The following TMEM71 variants were observed in gnomAD, a reference collection of about 807,000 sequenced individuals.
The protein encoded by TMEM71 is transmembrane protein 71.
In TMEM71, 44 loss-of-function variants were observed where a neutral mutation model predicts 38.0. The observed-to-expected ratio is 1.16, with a 90% CI of 0.91 to 1.49. TMEM71 has a LOEUF of 1.49. Among genes scored for constraint, TMEM71 ranks in the 40% most tolerant of loss-of-function variants. The pLI is 0.00. For missense variants in TMEM71, 367 were observed against 348.6 expected, an observed-to-expected ratio of 1.05 and a Z score of -0.42; for synonymous variants, 133 against 122.5, an observed-to-expected ratio of 1.09 and a Z score of -0.56.
rs1393464326 is a variant in TMEM71 at position 132,710,145 on chromosome 8, G to T, written c.*822C>A. Reference sequence around the variant, plus strand: ...TTTGCTTTGTGAACACGCACCAAGTGTGGGGGGTGGAAAGGGAACATCTAC... The same window carrying T: ...TTTGCTTTGTGAACACGCACCAAGTTTGGGGGGTGGAAAGGGAACATCTAC... On this transcript the variant is annotated 3_prime_UTR_variant, in exon 10 of 10. Transcript: ENST00000677595. 6.6e-6 allele frequency: 1 copy of T among 152,126 alleles called. No homozygotes were observed. Among genetic ancestry groups the T allele is most frequent in the Non-Finnish European group, 1.5e-5 (1 of 68,028 alleles). 9.4% of individuals were successfully genotyped at this position (152,126 alleles called of 1,614,324 possible).
At chr8:132,715,173 G>C (rs1221897031) in intron 7 of TMEM71, among the ~76,000 whole-genome samples, 1 of 151,884 alleles carries the variant, frequency 6.6e-6, no homozygotes, top group Non-Finnish European at 1.5e-5. Flanking sequence ...TTGGGAGGCC[G>C]AGGCGGGCGG....
intron 3 of TMEM71, among the ~76,000 whole-genome samples, chr8:132,753,416 A>G (rs1221616737): frequency 6.6e-6 from 1 of 152,152 alleles, no homozygotes; most frequent in Non-Finnish European, 1.5e-5. Flanking sequence ...ATTCCACTTA[A>G]TTGCATAAAT....
the TMEM71 span, among the ~76,000 whole-genome samples, chr8:132,771,382 T>G: frequency 2.0e-5 from 3 of 152,182 alleles, no homozygotes; most frequent in Admixed American, 2.0e-4. Context: ...TCTCTCTTGC[T>G]GCATTTGCTG....
At chr8:132,738,197 T>A (rs1827850554) in intron 5 of TMEM71, among the ~76,000 whole-genome samples, 1 of 152,164 alleles carries the variant, frequency 6.6e-6, no homozygotes, top group Non-Finnish European at 1.5e-5. Context: ...GAGAGGTTAG[T>A]TAATAACTTG....
chr8:132,719,201 A>T (rs1268649214), intron 7 of TMEM71, among the ~76,000 whole-genome samples: 1 of 152,202 alleles, frequency 6.6e-6, no homozygotes, highest in Non-Finnish European at 1.5e-5. Context: ...CCTCGGAATT[A>T]ATCACTATTC....
chr8:132,742,766 A>G lies in TMEM71; in HGVS notation c.487+4176T>C, dbSNP rs1006366226. Among the ~76,000 whole-genome samples, 65 of 152,326 alleles carry G rather than the reference A, an allele frequency of 4.3e-4. 1 individual carries two copies. The highest frequency in any genetic ancestry group is 1.2e-4 in the Non-Finnish European group (8 of 68,022). ...GCAAACCCATTTTTAATTCAGGCCC[A>G]TTTGTTGATGAGTGACATGTATTAG... On this transcript the variant is annotated intron_variant, in intron 5 of 9. Coordinates refer to ENST00000677595, the MANE Select transcript of TMEM71 (RefSeq NM_001382403.1).
At chr8:132,722,272 A>C (rs974587587) in intron 6 of TMEM71, among the ~76,000 whole-genome samples, 157 bp from the exon 7 acceptor site, 2 of 152,170 alleles carry the variant, frequency 1.3e-5, no homozygotes, top group African/African-American at 4.8e-5. Context: ...ATAACAAGAT[A>C]AAATTACCTA....
intron 5 of TMEM71, among the ~76,000 whole-genome samples, chr8:132,731,982 A>C (rs1039506408): frequency 6.6e-6 from 1 of 152,162 alleles, no homozygotes; most frequent in Non-Finnish European, 1.5e-5. Context: ...GGTGGAGCAA[A>C]AGTAAGGCGG....
chr8:132,749,330 T>C (rs991409897), intron 4 of TMEM71, among the ~76,000 whole-genome samples: 5 of 152,160 alleles, frequency 3.3e-5, no homozygotes, highest in Non-Finnish European at 7.3e-5. Context: ...TTCAAAATAA[T>C]TTTAGGAAGT....
Position 132,758,829 on chromosome 8 carries a change from T to G in TMEM71, c.40+11A>C, listed in dbSNP as rs1419145631. ...AAAGATAATTGCGTATCACAGTTCT[T>G]CTACATTTACTTGCTACTGGTGTTG... On this transcript the variant is annotated intron_variant, in intron 2 of 9. Transcript: ENST00000677595. 1 of 1,612,692 alleles carries G rather than the reference T, an allele frequency of 6.2e-7. No homozygotes were observed. Among genetic ancestry groups the G allele is most frequent in the Non-Finnish European group, 8.5e-7 (1 of 1,178,784 alleles).
At chr8:132,722,434 A>G (rs1483935109) in intron 6 of TMEM71, among the ~76,000 whole-genome samples, 1 of 152,236 alleles carries the variant, frequency 6.6e-6, no homozygotes, top group Non-Finnish European at 1.5e-5. Context: ...ATAATGTAAG[A>G]AATCTAATTC....
intron 5 of TMEM71, among the ~76,000 whole-genome samples, chr8:132,744,023 A>AT (rs924376133): frequency 2.0e-5 from 3 of 151,870 alleles, no homozygotes; most frequent in Admixed American, 2.0e-4. Flanking sequence ...ATATCATATA[A>AT]TTTTTTTTCA....
At chr8:132,707,270 A>T (rs962245904), downstream of TMEM71, among the ~76,000 whole-genome samples, 2 of 152,204 alleles carry the variant, frequency 1.3e-5, no homozygotes, top group African/African-American at 4.8e-5. Flanking sequence ...AAACTCAGCC[A>T]TAGTGGTTAT....
At chr8:132,771,266 T>C in the TMEM71 span, among the ~76,000 whole-genome samples, 1 of 152,208 alleles carries the variant, frequency 6.6e-6, no homozygotes, top group East Asian at 1.9e-4. Flanking sequence ...GTATAATTAT[T>C]AATAGCCCTT....
intron 1 of TMEM71, among the ~76,000 whole-genome samples, chr8:132,759,752 C>G (rs1563759337): frequency 6.6e-6 from 1 of 152,124 alleles, no homozygotes; most frequent in Admixed American, 6.6e-5. Flanking sequence ...GTTTTTGTAG[C>G]TGTAATTCAA....
At position 132,726,840 on chromosome 8, in the gene TMEM71, CTCTTCT is replaced by C. The variant is rs1320318166; in HGVS notation, c.676+952_676+957del. Among the ~76,000 whole-genome samples the C allele has an allele frequency of 2.0e-5, 3 of 150,484 alleles. No homozygotes were observed. The East Asian group carries it at 5.8e-4, about 29-fold the overall frequency. On this transcript the variant is annotated intron_variant, in intron 6 of 9. Coordinates refer to ENST00000677595, the MANE Select transcript of TMEM71 (RefSeq NM_001382403.1). ...TAAAGGATGTTCTTTTTGTTGTTTC[CTCTTCT>C]TCTTCTTCTTTTTTTTTTTTTTGGA...
intron 7 of TMEM71, among the ~76,000 whole-genome samples, chr8:132,720,056 T>C (rs1826756729): frequency 6.6e-6 from 1 of 152,176 alleles, no homozygotes; most frequent in Non-Finnish European, 1.5e-5. Context: ...CTGCTATTTT[T>C]CTTTTGGCAG....
At chr8:132,743,684 G>C (rs549966314) in intron 5 of TMEM71, among the ~76,000 whole-genome samples, 1 of 152,216 alleles carries the variant, frequency 6.6e-6, no homozygotes, top group South Asian at 2.1e-4. Flanking sequence ...CACCTAGACT[G>C]ATATGACTCC....
chr8:132,748,381 A>G (rs1316756430), intron 4 of TMEM71, among the ~76,000 whole-genome samples: 2 of 152,234 alleles, frequency 1.3e-5, no homozygotes, highest in African/African-American at 4.8e-5. Flanking sequence ...CTCCTGGCAG[A>G]TGGTGAGAAG....
Sources: allele counts gnomAD v4.1 joint callset (sites outside exome capture counted in the v4.1 genomes callset), GRCh38; gene constraint gnomAD v4.1.1; transcripts MANE v1.5; gene names NCBI Gene and HGNC (gene_info 2026-07-23, HGNC 2026-07-21).